MVB12B: variants seen among roughly 807,000 people sequenced by gnomAD.
MVB12B encodes ESCRT-I complex subunit MVB12B.
MVB12B carries 16 observed loss-of-function variants against 41.6 expected under a neutral mutation model. The observed-to-expected ratio is 0.38, with a 90% CI of 0.26 to 0.58. MVB12B has a LOEUF of 0.58. MVB12B is among the 20% of genes least tolerant of loss of function. The pLI, the probability that MVB12B is intolerant of heterozygous loss-of-function variation, is 0.62. For synonymous variants in MVB12B, 133 were observed against 139.7 expected (o/e 0.95, Z 0.34); for missense variants, 274 against 380.2 (o/e 0.72, Z 2.32).
intron 4 of MVB12B, among the ~76,000 whole-genome samples, chr9:126,387,104 A>C (rs927731854): frequency 6.6e-6 from 1 of 152,154 alleles, no homozygotes; most frequent in African/African-American, 2.4e-5. Flanking sequence ...AGAATCAAAA[A>C]GACTGCAAAT....
intron 9 of MVB12B, among the ~76,000 whole-genome samples, chr9:126,494,584 C>G (rs1833792820): frequency 6.6e-6 from 1 of 152,180 alleles, no homozygotes; most frequent in South Asian, 2.1e-4. Context: ...TCTCTGGGAA[C>G]TTTTGCACCT....
At chr9:126,476,876 C>CA (rs35160593) in intron 7 of MVB12B, among the ~76,000 whole-genome samples, 2,659 of 63,184 alleles carry the variant, frequency 0.042, 156 homozygotes, top group African/African-American at 0.11. Context: ...GACTCCATCT[C>CA]AAAAAAAAAA....
chr9:126,397,245 TTC>T (rs1831142576), intron 6 of MVB12B: 1 of 985,450 alleles, frequency 1.0e-6, no homozygotes, highest in Non-Finnish European at 1.2e-6. Flanking sequence ...GGTTTTGACT[TTC>T]TGTGGTTAAA....
intron 2 of MVB12B, among the ~76,000 whole-genome samples, chr9:126,350,604 GGCGAGGAGACTCAGAGTGCTAACAT>G (rs1829718975): frequency 6.6e-6 from 1 of 152,318 alleles, no homozygotes; most frequent in African/African-American, 2.4e-5. Flanking sequence ...GTCATCTCAT[GGCGAGGAGACTCAGAGTGCTAACAT>G]GCTAGCTCAG....
intron 7 of MVB12B, among the ~76,000 whole-genome samples, chr9:126,440,723 G>T (rs547058628): frequency 6.6e-6 from 1 of 151,476 alleles, no homozygotes; most frequent in African/African-American, 2.4e-5. Context: ...TTTAAGGGAG[G>T]AAAAAAAAGA....
At chr9:126,342,902 T>C (rs1297551940) in intron 2 of MVB12B, among the ~76,000 whole-genome samples, 1 of 152,240 alleles carries the variant, frequency 6.6e-6, no homozygotes, top group Non-Finnish European at 1.5e-5. Flanking sequence ...GAAGCCCTGC[T>C]GCGGATTGGG....
intron 1 of MVB12B, chr9:126,335,102 C>A (rs1212487190): frequency 2.4e-6 from 1 of 422,486 alleles, no homozygotes. Context: ...CTGGAAAATT[C>A]TTTGCGATCT....
intron 1 of MVB12B, chr9:126,335,245 G>A (rs1239508206): frequency 8.3e-7 from 1 of 1,206,316 alleles, no homozygotes; most frequent in Non-Finnish European, 1.1e-6. Context: ...TGGTCACCAG[G>A]TAATCTGTCC....
intron 7 of MVB12B, among the ~76,000 whole-genome samples, chr9:126,454,606 A>G (rs892476196): frequency 6.6e-6 from 1 of 152,214 alleles, no homozygotes; most frequent in Non-Finnish European, 1.5e-5. Flanking sequence ...GGCCAGGGGT[A>G]TGGACCTTGC....
chr9:126,486,475 C>G lies in MVB12B; in HGVS notation c.873+2443C>G, dbSNP rs1044076707. Among the ~76,000 whole-genome samples, 5 of 152,222 alleles carry G rather than the reference C, an allele frequency of 3.3e-5. No homozygotes were observed. Among genetic ancestry groups the G allele is most frequent in the African/African-American group, 1.2e-4 (5 of 41,456 alleles). ...ACTGTGGACAGGGGCAAGTCACATACCTGCTGTTTACCATGGGGTCACGGC... is the reference window on the plus strand; with the variant it reads ...ACTGTGGACAGGGGCAAGTCACATAGCTGCTGTTTACCATGGGGTCACGGC... On this transcript the variant is annotated intron_variant, in intron 9 of 9. Transcript: ENST00000361171. This position sits in a 1 kb window ranked among gnomAD's most constrained non-coding sequence, Gnocchi z 4.7.
At chr9:126,481,132 C>T (rs1426513923) in intron 7 of MVB12B, 3 of 551,336 alleles carry the variant, frequency 5.4e-6, no homozygotes, top group East Asian at 6.2e-5. Context: ...CTCTTGTCTA[C>T]ACAACTGCCT....
At chr9:126,422,000 C>A in intron 7 of MVB12B, 52 bp downstream of exon 7, 1 of 1,241,128 alleles carries the variant, frequency 8.1e-7, no homozygotes, top group Non-Finnish European at 1.2e-6. Context: ...TCCCGGGCGC[C>A]ACCTCCTTCC....
chr9:126,498,835 C>A (rs1588215807), intron 9 of MVB12B, among the ~76,000 whole-genome samples: 1 of 152,212 alleles, frequency 6.6e-6, no homozygotes, highest in East Asian at 1.9e-4. Flanking sequence ...GCTGGAGGGG[C>A]AGTGCACTTG....
intron 7 of MVB12B, among the ~76,000 whole-genome samples, chr9:126,445,370 G>A (rs1434949230): frequency 2.0e-5 from 3 of 152,068 alleles, no homozygotes; most frequent in Admixed American, 6.6e-5. Flanking sequence ...ACAGTGGTGC[G>A]ATCTCGGCTC....
intron 2 of MVB12B, among the ~76,000 whole-genome samples, chr9:126,365,409 T>C (rs1423676200): frequency 6.7e-6 from 1 of 150,090 alleles, no homozygotes; most frequent in African/African-American, 2.5e-5. Context: ...CTTAGCTCAC[T>C]GCAACCTTCG....
chr9:126,362,079 T>C (rs1830045273), intron 2 of MVB12B, among the ~76,000 whole-genome samples: 1 of 152,230 alleles, frequency 6.6e-6, no homozygotes, highest in African/African-American at 2.4e-5. Flanking sequence ...GATTATGATA[T>C]ACCTTGGTGT....
At chr9:126,348,501 T>C (rs1829658738) in intron 2 of MVB12B, among the ~76,000 whole-genome samples, 1 of 152,206 alleles carries the variant, frequency 6.6e-6, no homozygotes, top group Non-Finnish European at 1.5e-5. Context: ...TCTTCTAGGC[T>C]TCCCTTCCCT....
At chr9:126,495,925 C>T (rs1357194007) in intron 9 of MVB12B, among the ~76,000 whole-genome samples, 1 of 152,156 alleles carries the variant, frequency 6.6e-6, no homozygotes, top group Non-Finnish European at 1.5e-5. Context: ...TCATCATCCA[C>T]AGGTGTGACA....
chr9:126,502,846 C>T (rs564224660), intron 9 of MVB12B, among the ~76,000 whole-genome samples: 4 of 152,324 alleles, frequency 2.6e-5, no homozygotes, highest in Middle Eastern at 3.4e-3. Context: ...ACAGTCAGCA[C>T]GGGCCTGGCA....
Sources: gnomAD v4.1 joint callset for allele counts (sites outside exome capture counted in the v4.1 genomes callset) on GRCh38, gnomAD v4.1.1 for gene constraint, Gnocchi (gnomAD v3.1) non-coding constraint, MANE v1.5 for transcripts, NCBI Gene and HGNC (gene_info 2026-07-23, HGNC 2026-07-21) for gene names.